SND1: variants seen among roughly 807,000 people sequenced by gnomAD.
SND1 encodes the protein staphylococcal nuclease domain-containing protein 1.
SND1 carries 38 observed loss-of-function variants against 121.7 expected under a neutral mutation model. The observed-to-expected ratio is 0.31, with a 90% confidence interval of 0.24 to 0.41. The LOEUF is 0.41. Ranked by LOEUF, SND1 falls within the 10% of genes least tolerant of loss-of-function variation. The pLI, the probability that SND1 is intolerant of heterozygous loss-of-function variation, is 1.00. For synonymous variants in SND1, 401 were observed against 447.4 expected (o/e 0.90, Z 1.31); for missense variants, 868 against 1,184.6 (o/e 0.73, Z 3.92).
intron 16 of SND1, among the ~76,000 whole-genome samples, chr7:128,044,580 T>C (rs926816595): frequency 6.6e-6 from 1 of 151,892 alleles, no homozygotes; most frequent in African/African-American, 2.4e-5. Flanking sequence ...AATCAAAAAG[T>C]GTTTAAAATA....
intron 11 of SND1, among the ~76,000 whole-genome samples, chr7:127,843,523 C>G (rs990900913): frequency 6.6e-6 from 1 of 152,180 alleles, no homozygotes; most frequent in Non-Finnish European, 1.5e-5. Flanking sequence ...TCTGCTTTCA[C>G]TTAGTAATAT....
intron 12 of SND1, chr7:127,858,134 AGTGTGGGG>A: frequency 1.2e-6 from 1 of 852,300 alleles, no homozygotes; most frequent in Non-Finnish European, 2.1e-6. Context: ...ATGTCTAGGG[AGTGTGGGG>A]GTGTGGGATT....
chr7:127,729,435 A>C (rs1404673673), intron 10 of SND1, among the ~76,000 whole-genome samples: 2 of 128,326 alleles, frequency 1.6e-5, no homozygotes, highest in Non-Finnish European at 3.1e-5. Context: ...GTTTAGATAA[A>C]TTACTTTTTT....
At chr7:127,736,923 A>G (rs1486827132) in intron 10 of SND1, among the ~76,000 whole-genome samples, 1 of 152,210 alleles carries the variant, frequency 6.6e-6, no homozygotes, top group Admixed American at 6.5e-5. Flanking sequence ...TGCAGCCTGC[A>G]GTATTTACTT....
chr7:127,859,012 C>G (rs1400246825), intron 12 of SND1, among the ~76,000 whole-genome samples: 1 of 152,198 alleles, frequency 6.6e-6, no homozygotes, highest in South Asian at 2.1e-4. Flanking sequence ...TGCCTCTCTC[C>G]ATTTTGGACC....
At chr7:128,000,794 CAT>C (rs984651418) in intron 16 of SND1, among the ~76,000 whole-genome samples, 1 of 152,212 alleles carries the variant, frequency 6.6e-6, no homozygotes, top group Non-Finnish European at 1.5e-5. Flanking sequence ...TAATTCAACT[CAT>C]ATCTTTTTAG....
chr7:127,715,937 A>G (rs1032513112), intron 9 of SND1, among the ~76,000 whole-genome samples: 14 of 152,178 alleles, frequency 9.2e-5, no homozygotes, highest in East Asian at 1.9e-4. Context: ...GCATGAGGAT[A>G]TCTAGTTTTC....
chr7:128,001,131 A>G (rs988997750), intron 16 of SND1, among the ~76,000 whole-genome samples: 5 of 152,226 alleles, frequency 3.3e-5, no homozygotes, highest in African/African-American at 4.8e-5. Flanking sequence ...ATGGATTTTG[A>G]AAATGAAAGT....
intron 10 of SND1, among the ~76,000 whole-genome samples, chr7:127,792,188 A>C (rs755219812): frequency 6.6e-6 from 1 of 152,088 alleles, no homozygotes; most frequent in Admixed American, 6.5e-5. Context: ...GAAGCTCTTT[A>C]TGTGTACTAG....
intron 10 of SND1, among the ~76,000 whole-genome samples, chr7:127,802,185 C>T (rs1375936715): frequency 6.6e-6 from 1 of 152,118 alleles, no homozygotes; most frequent in African/African-American, 2.4e-5. Context: ...CTACTAATTG[C>T]CTACTGTTGA....
chr7:127,786,605 G>A lies in SND1; in HGVS notation c.1153-20879G>A, dbSNP rs181322808. The stretch of plus-strand genomic sequence containing the variant: ...CCCTTTTGCTATAGATTTCTTTGCT[G>A]CATAGTGTTTTTTTGTTTTGTTTTG... On this transcript the variant is annotated intron_variant, in intron 10 of 23. Transcript: ENST00000354725. 7.2e-5 allele frequency among the ~76,000 whole-genome samples: 11 copies of A among 152,146 alleles called. No individual in the cohort carries two copies. The East Asian group carries it at 2.1e-3, about 29-fold the overall frequency.
intron 1 of SND1, among the ~76,000 whole-genome samples, chr7:127,683,945 A>T (rs190864462): frequency 6.6e-6 from 1 of 152,368 alleles, no homozygotes; most frequent in Admixed American, 6.5e-5. Context: ...AGGAGAGGGC[A>T]TACAAAGGAG....
chr7:127,780,507 T>C (rs1797699877), intron 10 of SND1, among the ~76,000 whole-genome samples: 1 of 152,254 alleles, frequency 6.6e-6, no homozygotes, highest in Admixed American at 6.5e-5. Flanking sequence ...GTCCAAGGTA[T>C]GGATCCCATC....
intron 15 of SND1, among the ~76,000 whole-genome samples, chr7:127,939,607 C>T (rs772915680): frequency 3.9e-5 from 6 of 152,022 alleles, no homozygotes; most frequent in East Asian, 1.9e-4. Flanking sequence ...ACAGCAAGGC[C>T]GATGTGGCAT....
chr7:128,087,593 G>A (rs977753141), intron 21 of SND1, among the ~76,000 whole-genome samples: 1 of 152,106 alleles, frequency 6.6e-6, no homozygotes, highest in East Asian at 1.9e-4. Flanking sequence ...ATGTGTTGCT[G>A]TTGGCCAAGA....
intron 2 of SND1, among the ~76,000 whole-genome samples, chr7:127,688,714 C>T (rs1370827453): frequency 1.3e-5 from 2 of 150,858 alleles, no homozygotes; most frequent in African/African-American, 2.4e-5. Flanking sequence ...AGTGTAAGAC[C>T]CTGTCTAAAA....
At chr7:128,056,027 C>G (rs1391375485) in intron 16 of SND1, among the ~76,000 whole-genome samples, 1 of 152,216 alleles carries the variant, frequency 6.6e-6, no homozygotes, top group African/African-American at 2.4e-5. Flanking sequence ...CTTCTCTAAG[C>G]CTCCATTTTT....
At chr7:128,077,630 T>C (rs1793528781) in intron 17 of SND1, among the ~76,000 whole-genome samples, 1 of 152,196 alleles carries the variant, frequency 6.6e-6, no homozygotes, top group Non-Finnish European at 1.5e-5. Flanking sequence ...GGAGAGACAC[T>C]TCCCCCACCT....
chr7:127,816,504 G>A (rs575140208), intron 11 of SND1, among the ~76,000 whole-genome samples: 6 of 152,120 alleles, frequency 3.9e-5, no homozygotes, highest in Non-Finnish European at 8.8e-5. Flanking sequence ...CTGGGCTGAA[G>A]AGCAAGTCCT....
Sources: gnomAD v4.1 joint callset for allele counts (sites outside exome capture counted in the v4.1 genomes callset) on GRCh38, gnomAD v4.1.1 for gene constraint, MANE v1.5 for transcripts, NCBI Gene and HGNC (gene_info 2026-07-23, HGNC 2026-07-21) for gene names.